The following VRK2 variants were observed in gnomAD, a reference collection of about 807,000 sequenced individuals.
VRK2 encodes the protein serine/threonine-protein kinase VRK2.
In VRK2, 60 loss-of-function variants were observed where a neutral mutation model predicts 57.6. The ratio of observed to expected loss-of-function variants is 1.04; its 90% CI spans 0.85 to 1.29. The LOEUF (loss-of-function observed/expected upper bound fraction) is 1.29, where lower values mean the gene tolerates loss of function less well. Ranked by LOEUF, VRK2 falls within the 50% of genes most tolerant of loss-of-function variation. The probability of loss-of-function intolerance (pLI) is 0.00; values close to 1 mark genes in which losing one functional copy is unlikely to be tolerated. For missense variants in VRK2, 705 were observed against 588.1 expected (o/e 1.20, Z -2.06); for synonymous variants, 231 against 199.2 (o/e 1.16, Z -1.35).
chr2:57,940,718 T>C (rs1337173096), intron 1 of VRK2, among the ~76,000 whole-genome samples: 1 of 152,204 alleles, frequency 6.6e-6, no homozygotes, highest in Admixed American at 6.5e-5. Flanking sequence ...TTATCACTGC[T>C]ACTTACTTCA....
chr2:58,069,794 A>G (rs1336232311), intron 2 of VRK2, among the ~76,000 whole-genome samples: 1 of 152,002 alleles, frequency 6.6e-6, no homozygotes, highest in South Asian at 2.1e-4. Context: ...TTCATTTCCT[A>G]CTCTTCTTAA....
chr2:57,932,984 T>A (rs1167720183), intron 1 of VRK2, among the ~76,000 whole-genome samples: 1 of 152,180 alleles, frequency 6.6e-6, no homozygotes, highest in African/African-American at 2.4e-5. Flanking sequence ...AATATTTCAA[T>A]TTTATTCCTG....
At chr2:58,094,936 C>T (rs556902816) in intron 7 of VRK2, among the ~76,000 whole-genome samples, 18 of 152,170 alleles carry the variant, frequency 1.2e-4, no homozygotes, top group African/African-American at 3.9e-4. Context: ...TGTAGTTCTC[C>T]GTTTTCAGTG....
chr2:58,013,784 G>A (rs1572780024), intron 1 of VRK2, among the ~76,000 whole-genome samples: 1 of 147,530 alleles, frequency 6.8e-6, no homozygotes, highest in Non-Finnish European at 1.5e-5. Context: ...GCGTGAACCC[G>A]GAAGGCGGAG....
intron 2 of VRK2, among the ~76,000 whole-genome samples, chr2:58,056,687 C>A (rs1676574054): frequency 6.6e-6 from 1 of 152,126 alleles, no homozygotes; most frequent in African/African-American, 2.4e-5. Flanking sequence ...CAGGGTTGGA[C>A]TGGTTAATTG....
At chr2:57,968,183 G>GA (rs1448039703) in intron 1 of VRK2, among the ~76,000 whole-genome samples, 1 of 151,626 alleles carries the variant, frequency 6.6e-6, no homozygotes, top group Non-Finnish European at 1.5e-5. Flanking sequence ...TCAGTGTGTA[G>GA]AACAAACATA....
intron 1 of VRK2, among the ~76,000 whole-genome samples, chr2:57,974,945 G>A (rs1358813509): frequency 6.6e-6 from 1 of 151,636 alleles, no homozygotes; most frequent in Non-Finnish European, 1.5e-5. Flanking sequence ...TCATCTCATA[G>A]GTTTGAGAGA....
chr2:58,050,334 A>C (rs1263246189), intron 2 of VRK2, among the ~76,000 whole-genome samples: 13 of 152,242 alleles, frequency 8.5e-5, no homozygotes, highest in Admixed American at 8.5e-4. Context: ...TCATATGCTC[A>C]GTAACTACAT....
chr2:58,021,607 A>C (rs1306059547), intron 1 of VRK2, among the ~76,000 whole-genome samples: 2 of 152,188 alleles, frequency 1.3e-5, no homozygotes, highest in Non-Finnish European at 2.9e-5. Context: ...CCTTCCATAT[A>C]GACATCTGTT....
intron 8 of VRK2, among the ~76,000 whole-genome samples, chr2:58,123,867 A>G (rs560916741): frequency 1.3e-5 from 2 of 152,016 alleles, no homozygotes; most frequent in South Asian, 4.1e-4. Flanking sequence ...AAAAAAAAAA[A>G]GTTGCACATA....
intron 1 of VRK2, among the ~76,000 whole-genome samples, chr2:58,023,927 T>C (rs1187587475): frequency 6.6e-6 from 1 of 152,196 alleles, no homozygotes; most frequent in Non-Finnish European, 1.5e-5. Flanking sequence ...GGAAAGAAGT[T>C]TGTAATCACA....
chr2:58,137,902 A>G (rs1680774960), intron 10 of VRK2, among the ~76,000 whole-genome samples: 2 of 152,150 alleles, frequency 1.3e-5, no homozygotes, highest in African/African-American at 4.8e-5. Context: ...AACCAGTATT[A>G]CATCACAATA....
chr2:57,989,333 G>A (rs984735374), intron 1 of VRK2, among the ~76,000 whole-genome samples: 5 of 152,078 alleles, frequency 3.3e-5, no homozygotes, highest in African/African-American at 1.2e-4. Context: ...TATCTGCTAA[G>A]CCTGCCATCT....
chr2:58,159,417 A>C lies in VRK2; in HGVS notation c.1251A>C (p.Pro417=). The change falls in exon 13 of 13, where the codon CCA becomes CCC. Residue 417 remains proline (P), a synonymous_variant. Transcript: ENST00000340157. ...CTTTGAATGAAGTAAACAGTTTCCC[A>C]CAAAAAATCAGCTATACACAATTCC... ...QEPLNEVNSF[P]QKISYTQFPN... is the part of the protein sequence containing the mutation. 1 of 1,613,638 alleles carries C rather than the reference A, an allele frequency of 6.2e-7. No individual in the cohort carries two copies. The highest frequency in any genetic ancestry group is 1.3e-5 in the African/African-American group (1 of 75,026).
chr2:57,934,493 A>T (rs1670838906), intron 1 of VRK2, among the ~76,000 whole-genome samples: 1 of 152,112 alleles, frequency 6.6e-6, no homozygotes, highest in Non-Finnish European at 1.5e-5. Flanking sequence ...TTTCTTTGAA[A>T]ATTCTCTCTT....
At chr2:57,952,718 T>C (rs758260611) in intron 1 of VRK2, among the ~76,000 whole-genome samples, 3 of 151,732 alleles carry the variant, frequency 2.0e-5, no homozygotes, top group Non-Finnish European at 4.4e-5. Flanking sequence ...AGAGCAGGTG[T>C]TATCTTTACT....
At chr2:57,988,326 G>C (rs1041951210) in intron 1 of VRK2, among the ~76,000 whole-genome samples, 3 of 152,076 alleles carry the variant, frequency 2.0e-5, no homozygotes, top group Non-Finnish European at 4.4e-5. Flanking sequence ...TCAGCAATGA[G>C]TCAAGTCCTA....
chr2:57,944,435 T>G (rs1374563304), intron 1 of VRK2, among the ~76,000 whole-genome samples: 2 of 152,162 alleles, frequency 1.3e-5, no homozygotes, highest in Admixed American at 6.5e-5. Flanking sequence ...TAGAAAATAA[T>G]TTTTTAAAAG....
At chr2:58,099,744 T>C (rs1477019852) in intron 7 of VRK2, among the ~76,000 whole-genome samples, 1 of 152,088 alleles carries the variant, frequency 6.6e-6, no homozygotes, top group Non-Finnish European at 1.5e-5. Context: ...TCTTGATTCC[T>C]GGCGATTGTG....
Sources: gnomAD v4.1 joint callset for allele counts (sites outside exome capture counted in the v4.1 genomes callset) on GRCh38, gnomAD v4.1.1 for gene constraint, MANE v1.5 for transcripts, NCBI Gene and HGNC (gene_info 2026-07-23, HGNC 2026-07-21) for gene names.